The following LPCAT1 variants were observed in gnomAD, a reference collection of about 807,000 sequenced individuals.
LPCAT1 encodes 1-acylglycerol-3-phosphate O-acyltransferase.
A neutral mutation model predicts 60.9 loss-of-function variants in LPCAT1; 23 were observed. That is an observed-to-expected ratio of 0.38 (90% CI 0.27 to 0.53). The LOEUF (loss-of-function observed/expected upper bound fraction) is 0.53. Ranked by LOEUF, LPCAT1 falls within the 20% of genes least tolerant of loss-of-function variation. LPCAT1 has a pLI of 0.82. For synonymous variants in LPCAT1, 340 were observed against 301.1 expected, an observed-to-expected ratio of 1.13 and a Z score of -1.34; for missense variants, 622 against 723.6, an observed-to-expected ratio of 0.86 and a Z score of 1.61.
intron 13 of LPCAT1, among the ~76,000 whole-genome samples, chr5:1,464,799 CAA>C (rs1734271176): frequency 1.3e-5 from 2 of 150,640 alleles, no homozygotes; most frequent in South Asian, 4.2e-4. Flanking sequence ...CGCACACACA[CAA>C]AACAAGCACA....
At chr5:1,490,889 A>G (rs147523197) in intron 3 of LPCAT1, among the ~76,000 whole-genome samples, 120 of 152,244 alleles carry the variant, frequency 7.9e-4, no homozygotes, top group Middle Eastern at 6.8e-3. Context: ...CCCCAGGCCA[A>G]CTGAAGGTGT....
intron 11 of LPCAT1, among the ~76,000 whole-genome samples, chr5:1,472,434 G>A (rs1252024962): frequency 6.8e-6 from 1 of 148,144 alleles, no homozygotes; most frequent in Non-Finnish European, 1.5e-5. Flanking sequence ...TACTGGGACT[G>A]GGGCTTGGGT....
At chr5:1,507,541 C>A (rs1239967124) in intron 1 of LPCAT1, among the ~76,000 whole-genome samples, 1 of 152,244 alleles carries the variant, frequency 6.6e-6, no homozygotes, top group African/African-American at 2.4e-5. Flanking sequence ...CTCAGCCGGG[C>A]TTGCTCCAGG....
chr5:1,504,575 G>A (rs376978273), intron 1 of LPCAT1, among the ~76,000 whole-genome samples: 10 of 152,362 alleles, frequency 6.6e-5, no homozygotes, highest in South Asian at 2.1e-4. Context: ...GTAGCCGGGC[G>A]TGGTGGCGCA....
In LPCAT1 at chr5:1,523,650, T is replaced by A; in HGVS notation, c.135+60A>T. 1 of 1,041,234 alleles carries A rather than the reference T, an allele frequency of 9.6e-7. No homozygotes were observed. The highest frequency in any genetic ancestry group is 1.2e-6 in the Non-Finnish European group (1 of 866,002). 64.5% of individuals were successfully genotyped at this position (1,041,234 alleles called of 1,614,324 possible). On this transcript the variant is annotated intron_variant, in intron 1 of 13. Coordinates refer to ENST00000283415, the MANE Select transcript of LPCAT1 (RefSeq NM_024830.5). The surrounding 1 kb of genome is among the most constrained non-coding windows in gnomAD (Gnocchi z 7.1). ...CGGCCCCTCCTCGGCCGCGCCTCCCTGGCCCCAGCATCCCTGGCGTCCGCG... is the reference window on the plus strand; with the variant it reads ...CGGCCCCTCCTCGGCCGCGCCTCCCAGGCCCCAGCATCCCTGGCGTCCGCG...
intron 1 of LPCAT1, among the ~76,000 whole-genome samples, chr5:1,518,325 C>A (rs1487400177): frequency 6.6e-6 from 1 of 152,246 alleles, no homozygotes; most frequent in Non-Finnish European, 1.5e-5. Context: ...GTCCCGGGCA[C>A]AGTAAAAACT....
intron 1 of LPCAT1, among the ~76,000 whole-genome samples, chr5:1,513,306 G>A (rs1162839225): frequency 1.3e-5 from 2 of 152,166 alleles, no homozygotes; most frequent in Non-Finnish European, 2.9e-5. Context: ...CCCTACATAT[G>A]ACGTCCCCCA....
Position 1,462,103 on chromosome 5 carries a change from C to G in LPCAT1, c.*1548G>C, listed in dbSNP as rs1436125774. On this transcript the variant is annotated 3_prime_UTR_variant, in exon 14 of 14. Transcript: ENST00000283415. ...TTAAATGTCTGTCAGTGGAGAAACG[C>G]GTATCACGAATCTCTGAGGAAGTTA... 6.6e-6 allele frequency: 1 copy of G among 152,404 alleles called. No individual in the cohort carries two copies. 9.4% of individuals were successfully genotyped at this position (152,404 alleles called of 1,614,324 possible).
chr5:1,508,613 T>C (rs1212283150), intron 1 of LPCAT1, among the ~76,000 whole-genome samples: 2 of 152,216 alleles, frequency 1.3e-5, no homozygotes, highest in Non-Finnish European at 2.9e-5. Flanking sequence ...CAACAATGTC[T>C]GTGGTTTAAG....
Position 1,496,505 on chromosome 5 carries a change from A to T in LPCAT1, c.279-1591T>A, listed in dbSNP as rs2126574006. Among the ~76,000 whole-genome samples, 1 of 152,078 alleles carries T rather than the reference A, an allele frequency of 6.6e-6. No individual in the cohort carries two copies. ...GAAACAAGGCAGCGGCGGAGGGAGA[A>T]GCGAGGCTGCAGAGGAGGCTGCGGC... On this transcript the variant is annotated intron_variant, in intron 2 of 13. Coordinates refer to ENST00000283415, the MANE Select transcript of LPCAT1 (RefSeq NM_024830.5). This position sits in a 1 kb window ranked among gnomAD's most constrained non-coding sequence, Gnocchi z 4.7.
chr5:1,484,247 T>A (rs1456937658), intron 5 of LPCAT1, among the ~76,000 whole-genome samples: 1 of 152,218 alleles, frequency 6.6e-6, no homozygotes, highest in Non-Finnish European at 1.5e-5. Context: ...AACTTCCCCG[T>A]TCCCACTGGA....
chr5:1,484,466 C>A (rs1230912281), intron 5 of LPCAT1, among the ~76,000 whole-genome samples: 3 of 152,348 alleles, frequency 2.0e-5, no homozygotes, highest in East Asian at 3.8e-4. Flanking sequence ...CTGAGAAGGG[C>A]TCCCCTGCCT....
chr5:1,519,497 G>C (rs1736606793), intron 1 of LPCAT1, among the ~76,000 whole-genome samples: 1 of 152,190 alleles, frequency 6.6e-6, no homozygotes, highest in African/African-American at 2.4e-5. Flanking sequence ...AATTCATTCG[G>C]AAAATTAGAC....
rs535778560 is a variant in LPCAT1, at chr5:1,493,498, G to A, written c.493+1202C>T. On this transcript the variant is annotated intron_variant, in intron 3 of 13. Coordinates refer to ENST00000283415, the MANE Select transcript of LPCAT1 (RefSeq NM_024830.5). ...TGCTGCATGGAAACAGAGCCGGCAG[G>A]AGTGGCCAGGTGAGGGCCCCGGCCA... Among the ~76,000 whole-genome samples, 3 of 152,396 alleles carry A rather than the reference G, an allele frequency of 2.0e-5. No homozygotes were observed. In the East Asian group the frequency reaches 5.8e-4, roughly 29 times the overall value.
At chr5:1,466,478 G>A (rs933308094) in intron 13 of LPCAT1, among the ~76,000 whole-genome samples, 3 of 152,224 alleles carry the variant, frequency 2.0e-5, no homozygotes, top group Non-Finnish European at 4.4e-5. Context: ...ATCCCAGCCT[G>A]AGGCCATGGA....
At chr5:1,486,146 G>A (rs1735363102) in intron 5 of LPCAT1, among the ~76,000 whole-genome samples, 1 of 152,204 alleles carries the variant, frequency 6.6e-6, no homozygotes, top group African/African-American at 2.4e-5. Flanking sequence ...GCACTGGAGA[G>A]GAAGGCCCCA....
Position 1,501,443 on chromosome 5 carries a change from G to A in LPCAT1, c.278+18C>T, listed in dbSNP as rs368299729. The A allele has an allele frequency of 1.4e-5, 22 of 1,598,544 alleles. No individual in the cohort carries two copies. The highest frequency in any genetic ancestry group is 4.0e-5 in the African/African-American group (3 of 74,774). ...TGACCCCCCCCCAGGAGGAGAGCAC[G>A]GCACACGCGCAACTTACTTCCTCCA... On this transcript the variant is annotated intron_variant, in intron 2 of 13. Transcript: ENST00000283415.
At chr5:1,463,916 T>A (rs1734216521) in intron 13 of LPCAT1, 81 bp from the exon 14 acceptor site, 2 of 1,430,350 alleles carry the variant, frequency 1.4e-6, no homozygotes, top group African/African-American at 2.8e-5. Flanking sequence ...CCCACGGCCC[T>A]GGTGGGTGTC....
intron 1 of LPCAT1, among the ~76,000 whole-genome samples, chr5:1,518,404 G>C (rs530812114): frequency 6.6e-6 from 1 of 152,288 alleles, no homozygotes; most frequent in African/African-American, 2.4e-5. Flanking sequence ...GCAGTGGTGC[G>C]ATCTCCGCTC....
Sources: gnomAD v4.1 joint callset for allele counts (sites outside exome capture counted in the v4.1 genomes callset) on GRCh38, gnomAD v4.1.1 for gene constraint, Gnocchi (gnomAD v3.1) non-coding constraint, MANE v1.5 for transcripts, NCBI Gene and HGNC (gene_info 2026-07-23, HGNC 2026-07-21) for gene names.